Variants in LRFN5 observed in about 807,000 individuals in gnomAD.
LRFN5 encodes leucine-rich repeat and fibronectin type-III domain-containing protein 5.
A neutral mutation model predicts 45.6 loss-of-function variants in LRFN5; 24 were observed. The observed-to-expected ratio is 0.53, with a 90% CI of 0.38 to 0.74. The LOEUF is 0.74. Ranked by LOEUF, LRFN5 falls within the 30% of genes least tolerant of loss-of-function variation. The pLI, the probability that LRFN5 is intolerant of heterozygous loss-of-function variation, is 0.00. For synonymous variants in LRFN5, 340 were observed against 313.8 expected, an observed-to-expected ratio of 1.08 and a Z score of -0.88; for missense variants, 776 against 861.5, an observed-to-expected ratio of 0.90 and a Z score of 1.24.
intron 1 of LRFN5, among the ~76,000 whole-genome samples, chr14:41,612,930 G>A (rs142706871): frequency 6.6e-6 from 1 of 151,456 alleles, no homozygotes; most frequent in Non-Finnish European, 1.5e-5. Flanking sequence ...TCATATTGTT[G>A]TGAAAGATAC....
intron 1 of LRFN5, among the ~76,000 whole-genome samples, chr14:41,648,673 A>T (rs1039456189): frequency 5.9e-5 from 9 of 152,130 alleles, no homozygotes; most frequent in African/African-American, 2.2e-4. Context: ...GGATGACTCT[A>T]TATTTTAAAC....
intron 4 of LRFN5, chr14:41,893,855 T>C (rs1434340692): frequency 1.0e-6 from 1 of 985,352 alleles, no homozygotes; most frequent in Non-Finnish European, 1.2e-6. Context: ...TTGCAAAGTC[T>C]AATTATCCTT....
intron 2 of LRFN5, among the ~76,000 whole-genome samples, chr14:41,818,430 A>G (rs1034118644): frequency 7.2e-5 from 11 of 152,054 alleles, no homozygotes; most frequent in Non-Finnish European, 1.6e-4. Context: ...CATTAACCAA[A>G]CTTTATTTAT....
At chr14:41,774,365 G>T (rs1038753884) in intron 2 of LRFN5, among the ~76,000 whole-genome samples, 3 of 152,112 alleles carry the variant, frequency 2.0e-5, no homozygotes, top group Middle Eastern at 6.3e-3. Flanking sequence ...GTAAACTGAG[G>T]CATCTCTTAT....
intron 2 of LRFN5, among the ~76,000 whole-genome samples, chr14:41,878,527 A>C (rs1890264889): frequency 6.6e-6 from 1 of 152,188 alleles, no homozygotes; most frequent in South Asian, 2.1e-4. Flanking sequence ...AGATGGATGT[A>C]GTAATGGAAA....
chr14:41,853,665 A>C (rs370939595), intron 2 of LRFN5, among the ~76,000 whole-genome samples: 189 of 152,240 alleles, frequency 1.2e-3, no homozygotes, highest in African/African-American at 4.3e-3. Context: ...TCTGGAACTC[A>C]GAGGGGAAAT....
At chr14:41,894,250 CTT>C in intron 4 of LRFN5, 1 of 981,606 alleles carries the variant, frequency 1.0e-6, no homozygotes, top group Non-Finnish European at 1.2e-6. Flanking sequence ...TACTGATGAA[CTT>C]AGTATTTTCC....
chr14:41,660,521 A>G (rs766142952), intron 1 of LRFN5, among the ~76,000 whole-genome samples: 1 of 152,116 alleles, frequency 6.6e-6, no homozygotes, highest in Non-Finnish European at 1.5e-5. Context: ...AGCATTTTCT[A>G]TGCATGTTTA....
intron 1 of LRFN5, among the ~76,000 whole-genome samples, chr14:41,633,563 A>T (rs536482773): frequency 2.0e-5 from 3 of 152,286 alleles, no homozygotes; most frequent in African/African-American, 7.2e-5. Context: ...TTGCAAACAG[A>T]CTTGATGTCA....
chr14:41,863,762 G>A (rs115424626), intron 2 of LRFN5, among the ~76,000 whole-genome samples: 3,274 of 152,202 alleles, frequency 0.022, 43 homozygotes, highest in African/African-American at 0.035. Context: ...TATACACGTC[G>A]CATTGTCGTT....
intron 1 of LRFN5, among the ~76,000 whole-genome samples, chr14:41,726,396 A>G (rs931882285): frequency 6.6e-6 from 1 of 152,162 alleles, no homozygotes; most frequent in African/African-American, 2.4e-5. Flanking sequence ...AATATACTGT[A>G]TGAAAGATAA....
chr14:41,623,386 A>G (rs1026066952), intron 1 of LRFN5, among the ~76,000 whole-genome samples: 1 of 152,062 alleles, frequency 6.6e-6, no homozygotes, highest in Non-Finnish European at 1.5e-5. Flanking sequence ...CTGTAAGTCA[A>G]CTAAACCTCT....
chr14:41,771,020 AACC>A (rs1317022288), intron 2 of LRFN5, among the ~76,000 whole-genome samples: 1 of 152,006 alleles, frequency 6.6e-6, no homozygotes, highest in Non-Finnish European at 1.5e-5. Flanking sequence ...ACCATGTGGA[AACC>A]ACCAAGGCTT....
intron 1 of LRFN5, among the ~76,000 whole-genome samples, chr14:41,661,107 A>C (rs1391560401): frequency 6.6e-6 from 1 of 151,446 alleles, no homozygotes; most frequent in Admixed American, 6.6e-5. Context: ...CTTTCAACTT[A>C]CCAACACAAA....
chr14:41,714,706 G>C (rs1036533677), intron 1 of LRFN5, among the ~76,000 whole-genome samples: 2 of 152,052 alleles, frequency 1.3e-5, no homozygotes, highest in Non-Finnish European at 2.9e-5. Context: ...ACAAGTTCAA[G>C]ACCAGCCTGA....
intron 2 of LRFN5, among the ~76,000 whole-genome samples, chr14:41,831,846 A>ATTG (rs1373908014): frequency 6.6e-6 from 1 of 152,072 alleles, no homozygotes. Flanking sequence ...GCTTTTATAT[A>ATTG]TTACAATTCT....
At chr14:41,885,759 G>A (rs911100466) in intron 2 of LRFN5, among the ~76,000 whole-genome samples, 1 of 152,068 alleles carries the variant, frequency 6.6e-6, no homozygotes, top group Non-Finnish European at 1.5e-5. Context: ...GCTCATGCCT[G>A]TAATCTCAGC....
chr14:41,641,195 A>G (rs751796598), intron 1 of LRFN5, among the ~76,000 whole-genome samples: 10 of 152,118 alleles, frequency 6.6e-5, no homozygotes, highest in South Asian at 6.2e-4. Context: ...ATCTCTTTAG[A>G]GGGCGTTTGA....
intron 1 of LRFN5, among the ~76,000 whole-genome samples, chr14:41,650,901 G>C (rs1187537259): frequency 1.0e-5 from 1 of 96,280 alleles, no homozygotes; most frequent in African/African-American, 7.1e-5. Flanking sequence ...GAGAGAGAGG[G>C]AGGGAGGGAG....
Sources: allele counts gnomAD v4.1 joint callset (sites outside exome capture counted in the v4.1 genomes callset), GRCh38; gene constraint gnomAD v4.1.1; transcripts MANE v1.5; gene names NCBI Gene and HGNC (gene_info 2026-07-23, HGNC 2026-07-21).